Variants in RAB3C observed in about 807,000 individuals in gnomAD.
RAB3C encodes RAB3C, member RAS oncogene family.
A neutral mutation model predicts 26.4 loss-of-function variants in RAB3C; 17 were observed. The ratio of observed to expected loss-of-function variants is 0.64; its 90% confidence interval spans 0.44 to 0.97. RAB3C has a LOEUF of 0.97. Among genes scored for constraint, RAB3C ranks in the 50% least tolerant of loss-of-function variants. The pLI, the probability that RAB3C is intolerant of heterozygous loss-of-function variation, is 0.00. For synonymous variants in RAB3C, 91 were observed against 95.9 expected (o/e 0.95, Z 0.30); for missense variants, 242 against 281.9 (o/e 0.86, Z 1.01).
At chr5:58,832,733 T>C (rs572378665) in intron 4 of RAB3C, among the ~76,000 whole-genome samples, 1 of 152,338 alleles carries the variant, frequency 6.6e-6, no homozygotes, top group African/African-American at 2.4e-5. Flanking sequence ...AGGATTTTGA[T>C]AGTTAGACAA....
intron 2 of RAB3C, among the ~76,000 whole-genome samples, chr5:58,640,436 G>A (rs912898787): frequency 2.0e-5 from 3 of 152,158 alleles, no homozygotes; most frequent in African/African-American, 7.2e-5. Flanking sequence ...GGCTGACTAT[G>A]CAATTATTCA....
At chr5:58,777,686 GC>G (rs1391525194) in intron 3 of RAB3C, among the ~76,000 whole-genome samples, 2 of 150,060 alleles carry the variant, frequency 1.3e-5, no homozygotes, top group African/African-American at 4.9e-5. Context: ...ATGTTGGTGT[GC>G]TGTACCCATT....
At chr5:58,644,782 C>A (rs1452582987) in intron 2 of RAB3C, among the ~76,000 whole-genome samples, 1 of 151,974 alleles carries the variant, frequency 6.6e-6, no homozygotes, top group Non-Finnish European at 1.5e-5. Context: ...AAAGCGTTAC[C>A]ATGCACACTT....
intron 2 of RAB3C, among the ~76,000 whole-genome samples, chr5:58,710,110 T>C (rs2111894302): frequency 6.6e-6 from 1 of 152,320 alleles, no homozygotes; most frequent in East Asian, 1.9e-4. Flanking sequence ...TAACCACTTG[T>C]GAGACAGTAC....
intron 4 of RAB3C, among the ~76,000 whole-genome samples, chr5:58,849,455 G>A: frequency 6.6e-6 from 1 of 152,102 alleles, no homozygotes; most frequent in East Asian, 1.9e-4. Flanking sequence ...TTGAATTACT[G>A]GAAGTTGAAC....
At chr5:58,820,478 T>C (rs984651382) in intron 3 of RAB3C, among the ~76,000 whole-genome samples, 9 of 152,142 alleles carry the variant, frequency 5.9e-5, no homozygotes, top group Non-Finnish European at 8.8e-5. Context: ...GTCCAAGTAG[T>C]CAAAACCAAA....
At chr5:58,670,415 A>G (rs1273415958) in intron 2 of RAB3C, among the ~76,000 whole-genome samples, 1 of 152,148 alleles carries the variant, frequency 6.6e-6, no homozygotes, top group Non-Finnish European at 1.5e-5. Flanking sequence ...GAAAAGACAC[A>G]TTTCTCTTCA....
intron 2 of RAB3C, among the ~76,000 whole-genome samples, chr5:58,667,405 T>C (rs1166623678): frequency 6.6e-6 from 1 of 152,176 alleles, no homozygotes; most frequent in East Asian, 1.9e-4. Flanking sequence ...TCCTGGAATG[T>C]AGTTGTAAGG....
chr5:58,793,581 C>CTTTTT (rs55954473), intron 3 of RAB3C, among the ~76,000 whole-genome samples: 11 of 138,304 alleles, frequency 8.0e-5, no homozygotes, highest in African/African-American at 2.1e-4. Flanking sequence ...CATTTTGCCA[C>CTTTTT]TTTTTTTTTT....
At chr5:58,836,289 TC>T (rs1743746110) in intron 4 of RAB3C, among the ~76,000 whole-genome samples, 1 of 152,154 alleles carries the variant, frequency 6.6e-6, no homozygotes, top group Non-Finnish European at 1.5e-5. Context: ...TTATGATGTT[TC>T]ATATTCATAG....
At chr5:58,799,324 G>A (rs911578896) in intron 3 of RAB3C, among the ~76,000 whole-genome samples, 4 of 152,054 alleles carry the variant, frequency 2.6e-5, no homozygotes, top group African/African-American at 4.8e-5. Flanking sequence ...TAGATGTATG[G>A]CAACTTCTAC....
At chr5:58,762,785 AG>A in intron 3 of RAB3C, among the ~76,000 whole-genome samples, 1 of 93,214 alleles carries the variant, frequency 1.1e-5, no homozygotes, top group Non-Finnish European at 2.4e-5. Flanking sequence ...CTTTTTACAG[AG>A]TTTTCCTACT....
intron 2 of RAB3C, 63 bp downstream of exon 2, chr5:58,617,933 G>A (rs1324162495): frequency 2.9e-6 from 3 of 1,049,540 alleles, no homozygotes; most frequent in African/African-American, 3.2e-5. Context: ...CATTTGTAAG[G>A]GAGAAACTTT....
chr5:58,712,162 C>G (rs956706787), intron 2 of RAB3C, among the ~76,000 whole-genome samples: 28 of 152,146 alleles, frequency 1.8e-4, no homozygotes, highest in African/African-American at 6.5e-4. Flanking sequence ...TCTGATTTCT[C>G]TAGTACTTAC....
At chr5:58,650,514 GAATAA>G (rs751181680) in intron 2 of RAB3C, among the ~76,000 whole-genome samples, 2 of 152,178 alleles carry the variant, frequency 1.3e-5, no homozygotes, top group Non-Finnish European at 2.9e-5. Flanking sequence ...TTAACTGGTT[GAATAA>G]GGAGAACCCC....
intron 2 of RAB3C, among the ~76,000 whole-genome samples, chr5:58,658,633 C>T (rs868554318): frequency 1.8e-4 from 27 of 152,110 alleles, no homozygotes; most frequent in Admixed American, 4.6e-4. Flanking sequence ...GCCTACTATT[C>T]TGTGGGTCAG....
intron 3 of RAB3C, among the ~76,000 whole-genome samples, chr5:58,749,167 A>G (rs1230401538): frequency 1.3e-5 from 2 of 152,124 alleles, no homozygotes; most frequent in Non-Finnish European, 2.9e-5. Context: ...CTTTGCACCT[A>G]TTCCCTTTTC....
chr5:58,756,996 C>T (rs955858768), intron 3 of RAB3C, among the ~76,000 whole-genome samples: 2 of 152,260 alleles, frequency 1.3e-5, no homozygotes, highest in Non-Finnish European at 2.9e-5. Context: ...ATTTCTGATT[C>T]TAGATCCTTG....
intron 2 of RAB3C, among the ~76,000 whole-genome samples, chr5:58,638,755 A>G (rs2111763533): frequency 6.6e-6 from 1 of 152,338 alleles, no homozygotes; most frequent in South Asian, 2.1e-4. Flanking sequence ...GATCACTGTT[A>G]GAAGCTCTTG....
Sources: allele counts gnomAD v4.1 joint callset (sites outside exome capture counted in the v4.1 genomes callset), GRCh38; gene constraint gnomAD v4.1.1; transcripts MANE v1.5; gene names NCBI Gene and HGNC (gene_info 2026-07-23, HGNC 2026-07-21).